The following FLNB variants were observed in gnomAD, a reference collection of about 807,000 sequenced individuals.
FLNB encodes the protein filamin-B.
In FLNB, 111 loss-of-function variants were observed where a neutral mutation model predicts 250.6. The observed-to-expected ratio is 0.44, with a 90% CI of 0.38 to 0.52. The LOEUF (loss-of-function observed/expected upper bound fraction) is 0.52, where lower values mean the gene tolerates loss of function less well. Among genes scored for constraint, FLNB ranks in the 20% least tolerant of loss-of-function variants. The pLI is 0.00. For missense variants in FLNB, 2,869 were observed against 3,447.8 expected (o/e 0.83, Z 4.20); for synonymous variants, 1,302 against 1,372.1 (o/e 0.95, Z 1.13).
At position 58,106,787 on chromosome 3, in the gene FLNB, C is replaced by T. The variant is rs576699229; in HGVS notation, c.1855C>T (p.His619Tyr). ...CAAGGAGCCTGGCGAATATGCTGTT[C>T]ACATCATGTGTGACGACGAAGACAT... Reference protein sequence around the residue: ...WPKEPGEYAVHIMCDDEDIKD... With the variant: ...WPKEPGEYAVYIMCDDEDIKD... Residue 619 changes from histidine (H) to tyrosine (Y), a missense_variant, in exon 12 of 46, where the codon CAC becomes TAC. Coordinates refer to ENST00000295956, the MANE Select transcript of FLNB (RefSeq NM_001457.4). 1 of 1,614,064 alleles carries T rather than the reference C, an allele frequency of 6.2e-7. No homozygotes were observed. The highest frequency in any genetic ancestry group is 1.3e-5 in the African/African-American group (1 of 75,022).
Position 58,126,618 on chromosome 3 carries a change from G to A in FLNB, c.4078G>A (p.Gly1360Arg), listed in dbSNP as rs763995423. 1.9e-6 allele frequency: 3 copies of A among 1,614,010 alleles called. No individual in the cohort carries two copies. In the South Asian group the frequency reaches 3.3e-5, roughly 18 times the overall value. ...TVVTRGAGIG[G>R]LGITVEGPSE... is the part of the protein sequence containing the mutation. ...TCTTTCCAGAGGCGCAGGAATTGGT[G>A]GGCTTGGCATAACTGTTGAGGGACC... Residue 1360 changes from glycine to arginine, a missense_variant, in exon 24 of 46, where the codon GGG becomes AGG. Physicochemically the swap from Gly to Arg is moderately radical, Grantham distance 125. Coordinates refer to ENST00000295956, the MANE Select transcript of FLNB (RefSeq NM_001457.4).
chr3:58,104,946 C>T (rs2097257272), intron 10 of FLNB, 134 bp from the exon 11 acceptor site: 1 of 1,122,516 alleles, frequency 8.9e-7, no homozygotes, highest in South Asian at 1.2e-5. Context: ...GGAGGAAGGG[C>T]TTGGCTGCAG....
intron 1 of FLNB, among the ~76,000 whole-genome samples, chr3:58,042,379 ACT>A (rs550134928): frequency 7.7e-6 from 1 of 129,868 alleles, no homozygotes; most frequent in East Asian, 2.3e-4. Context: ...TCCGGGTCTT[ACT>A]CTGTCACCCA....
At chr3:58,147,866 G>T (rs1045794478) in intron 34 of FLNB, among the ~76,000 whole-genome samples, 1 of 152,090 alleles carries the variant, frequency 6.6e-6, no homozygotes, top group African/African-American at 2.4e-5. Flanking sequence ...CACCATGTTG[G>T]ACAGGCTGGT....
chr3:58,059,560 C>T (rs839225), intron 1 of FLNB, among the ~76,000 whole-genome samples: 28,371 of 152,086 alleles, frequency 0.19, 3,309 homozygotes, highest in East Asian at 0.53. Context: ...CTGTGGACTG[C>T]GTCTCCAGCC....
intron 1 of FLNB, among the ~76,000 whole-genome samples, chr3:58,037,957 C>T (rs973021188): frequency 2.6e-5 from 4 of 152,148 alleles, no homozygotes; most frequent in Non-Finnish European, 5.9e-5. Context: ...ATGAAAACAA[C>T]GTGTTACTAA....
chr3:58,024,931 T>G (rs2097121019), intron 1 of FLNB, among the ~76,000 whole-genome samples: 1 of 150,880 alleles, frequency 6.6e-6, no homozygotes, highest in African/African-American at 2.4e-5. Context: ...CAGGATGGTC[T>G]CAATCTCTTG....
At chr3:58,131,294 G>T (rs558550775) in intron 25 of FLNB, among the ~76,000 whole-genome samples, 1 of 152,300 alleles carries the variant, frequency 6.6e-6, no homozygotes, top group Admixed American at 6.5e-5. Context: ...TGTCCATGTG[G>T]TACATACCAG....
intron 1 of FLNB, among the ~76,000 whole-genome samples, chr3:58,038,534 C>A (rs916157189): frequency 6.6e-6 from 1 of 151,784 alleles, no homozygotes; most frequent in African/African-American, 2.4e-5. Context: ...AGCAATCCTT[C>A]CGCCTCAGCT....
At chr3:58,156,616 T>C (rs1400861609) in intron 41 of FLNB, among the ~76,000 whole-genome samples, 1 of 152,194 alleles carries the variant, frequency 6.6e-6, no homozygotes, top group Non-Finnish European at 1.5e-5. Flanking sequence ...AAAACAGAGA[T>C]ACAAGGAGGT....
At chr3:58,116,555 TG>T (rs2097278324) in intron 18 of FLNB, among the ~76,000 whole-genome samples, 2 of 152,200 alleles carry the variant, frequency 1.3e-5, no homozygotes, top group African/African-American at 4.8e-5. Flanking sequence ...CTTGCCTGCC[TG>T]GGGTGGATGA....
chr3:58,126,728 T>C lies in FLNB; in HGVS notation c.4188T>C (p.Asp1396=). 1 of 1,613,996 alleles carries C rather than the reference T, an allele frequency of 6.2e-7. No individual in the cohort carries two copies. The highest frequency in any genetic ancestry group is 2.2e-5 in the East Asian group (1 of 44,874). ...TTCCTTTCGCACCGGGGGATTACGATGTTAATATCACATATGGAGGAGCCC... is the reference window on the plus strand; with the variant it reads ...TTCCTTTCGCACCGGGGGATTACGACGTTAATATCACATATGGAGGAGCCC... ...EYIPFAPGDY[D]VNITYGGAHI... Residue 1396 remains aspartate (D), a synonymous_variant, in exon 24 of 46, where the codon GAT becomes GAC. Transcript: ENST00000295956.
At position 58,156,023 on chromosome 3, in the gene FLNB, C is replaced by T. The variant is rs937831006; in HGVS notation, c.6836C>T (p.Pro2279Leu). 11 of 1,614,100 alleles carry T rather than the reference C, an allele frequency of 6.8e-6. No individual in the cohort carries two copies. The highest frequency in any genetic ancestry group is 1.3e-5 in the African/African-American group (1 of 75,044). The change falls in exon 41 of 46, where the codon CCG (proline) becomes CTG (leucine). Residue 2279 changes from proline (P) to leucine (L), a missense_variant. Coordinates refer to ENST00000295956, the MANE Select transcript of FLNB (RefSeq NM_001457.4). The stretch of plus-strand genomic sequence containing the variant: ...ATCCCGGAAAGCCCCTACCTGGTGC[C>T]GGTCATCGCACCCTCCGACGACGCC... Reference protein sequence around the residue: ...EHIPESPYLVPVIAPSDDARR... With the variant: ...EHIPESPYLVLVIAPSDDARR...
At chr3:58,148,124 G>A (rs1342871697) in intron 34 of FLNB, 82 bp from the exon 35 acceptor site, 14 of 1,418,264 alleles carry the variant, frequency 9.9e-6, no homozygotes, top group Admixed American at 5.0e-5. Context: ...GTGTTCATCC[G>A]TGAACAGCAT....
intron 1 of FLNB, among the ~76,000 whole-genome samples, chr3:58,019,161 C>G (rs921046467): frequency 6.6e-6 from 1 of 152,034 alleles, no homozygotes; most frequent in Non-Finnish European, 1.5e-5. Flanking sequence ...GCTATTGTCA[C>G]AATTAGTTAT....
intron 1 of FLNB, among the ~76,000 whole-genome samples, chr3:58,018,814 C>T (rs2097109594): frequency 1.3e-5 from 2 of 151,908 alleles, no homozygotes; most frequent in Non-Finnish European, 2.9e-5. Flanking sequence ...CATTGTGCCC[C>T]GCCTATGTAT....
At chr3:58,040,369 A>T (rs1194549552) in intron 1 of FLNB, among the ~76,000 whole-genome samples, 1 of 152,226 alleles carries the variant, frequency 6.6e-6, no homozygotes, top group East Asian at 1.9e-4. Context: ...AGCTGTTTGC[A>T]TCTTACTCTT....
intron 1 of FLNB, among the ~76,000 whole-genome samples, chr3:58,025,020 T>C (rs1329917192): frequency 6.7e-6 from 1 of 149,546 alleles, no homozygotes; most frequent in Non-Finnish European, 1.5e-5. Context: ...CTTCCTTTTT[T>C]TTTTTTTTTT....
At chr3:58,095,968 G>A (rs1435050863) in intron 5 of FLNB, among the ~76,000 whole-genome samples, 173 bp from the exon 6 acceptor site, 1 of 152,188 alleles carries the variant, frequency 6.6e-6, no homozygotes, top group Admixed American at 6.5e-5. Context: ...GCATGGTTTT[G>A]TTTCTGTGAC....
Sources: gnomAD v4.1 joint callset for allele counts (sites outside exome capture counted in the v4.1 genomes callset) on GRCh38, gnomAD v4.1.1 for gene constraint, MANE v1.5 for transcripts, NCBI Gene and HGNC (gene_info 2026-07-23, HGNC 2026-07-21) for gene names.